Variants in SGSM1 observed in about 807,000 individuals in gnomAD.
The protein encoded by SGSM1 is small G protein signaling modulator 1.
SGSM1 carries 73 observed loss-of-function variants against 133.8 expected under a neutral mutation model. The ratio of observed to expected loss-of-function variants is 0.55; its 90% confidence interval spans 0.45 to 0.66. The LOEUF is 0.66. Among genes scored for constraint, SGSM1 ranks in the 30% least tolerant of loss-of-function variants. SGSM1 has a pLI of 0.00. For missense variants in SGSM1, 1,213 were observed against 1,448.1 expected, an observed-to-expected ratio of 0.84 and a Z score of 2.64; for synonymous variants, 563 against 573.0, an observed-to-expected ratio of 0.98 and a Z score of 0.25.
intron 1 of SGSM1, 47 bp from the exon 2 acceptor site, chr22:24,806,394 C>G (rs998835013): frequency 3.3e-6 from 5 of 1,513,002 alleles, no homozygotes; most frequent in Middle Eastern, 1.9e-4. Context: ...GCCCGGCCCC[C>G]GCACCCTCTC....
chr22:24,879,218 G>A (rs144979981), intron 13 of SGSM1, among the ~76,000 whole-genome samples: 1,765 of 152,280 alleles, frequency 0.012, 17 homozygotes, highest in African/African-American at 0.04. Context: ...AGTGGGCAGA[G>A]TCATCCACAT....
At chr22:24,833,724 G>A (rs1929261536) in intron 2 of SGSM1, among the ~76,000 whole-genome samples, 1 of 152,194 alleles carries the variant, frequency 6.6e-6, no homozygotes, top group Admixed American at 6.5e-5. Flanking sequence ...CCATAGCGAT[G>A]GGGGAGGTGA....
At chr22:24,830,031 CT>C (rs1929020470) in intron 2 of SGSM1, among the ~76,000 whole-genome samples, 1 of 145,976 alleles carries the variant, frequency 6.9e-6, no homozygotes, top group South Asian at 2.2e-4. Flanking sequence ...ACAGTCTGGT[CT>C]GTGCCCCGGG....
At chr22:24,829,683 C>T (rs140531923) in intron 2 of SGSM1, among the ~76,000 whole-genome samples, 2 of 151,930 alleles carry the variant, frequency 1.3e-5, no homozygotes, top group African/African-American at 2.4e-5. Context: ...GGACAGATTA[C>T]GTGGGGAAAA....
intron 2 of SGSM1, among the ~76,000 whole-genome samples, chr22:24,809,832 G>A (rs1418197703): frequency 1.3e-5 from 2 of 152,142 alleles, no homozygotes; most frequent in Non-Finnish European, 1.5e-5. Flanking sequence ...GTGAAGGAGA[G>A]GCACCCGGGG....
intron 12 of SGSM1, among the ~76,000 whole-genome samples, chr22:24,872,834 G>A (rs1198824935): frequency 6.6e-6 from 1 of 152,032 alleles, no homozygotes; most frequent in South Asian, 2.1e-4. Flanking sequence ...CAGGAGAATT[G>A]CTTGAACCCG....
chr22:24,824,070 G>A (rs1928652473), intron 2 of SGSM1, among the ~76,000 whole-genome samples: 1 of 152,216 alleles, frequency 6.6e-6, no homozygotes, highest in South Asian at 2.1e-4. Flanking sequence ...TGATTCCAGA[G>A]CCTGATGCAG....
At chr22:24,839,225 T>G (rs1929650254) in intron 2 of SGSM1, among the ~76,000 whole-genome samples, 1 of 152,058 alleles carries the variant, frequency 6.6e-6, no homozygotes, top group African/African-American at 2.4e-5. Flanking sequence ...TGGCTAGTTT[T>G]TGTATTTTTG....
At chr22:24,848,428 A>C (rs1930274723) in intron 4 of SGSM1, among the ~76,000 whole-genome samples, 1 of 152,228 alleles carries the variant, frequency 6.6e-6, no homozygotes, top group South Asian at 2.1e-4. Context: ...GAAGTTAAAA[A>C]AAAAACTCTC....
rs1930190552 is a variant in SGSM1, at chr22:24,847,055, T to C, written c.140-579T>C. On this transcript the variant is annotated intron_variant, in intron 3 of 24. Coordinates refer to ENST00000400358, the MANE Select transcript of SGSM1 (RefSeq NM_001098497.3). ...CGGGGTTTCACTGTGTTAGCCAGGATGGTCTCGATCTCCTGACCTCGCTCT... is the reference window on the plus strand; with the variant it reads ...CGGGGTTTCACTGTGTTAGCCAGGACGGTCTCGATCTCCTGACCTCGCTCT... Among the ~76,000 whole-genome samples the C allele has an allele frequency of 4.6e-5, 7 of 152,222 alleles. No individual in the cohort carries two copies. The South Asian group carries it at 1.5e-3, about 32-fold the overall frequency.
At chr22:24,896,138 A>G (rs1932908829) in intron 18 of SGSM1, among the ~76,000 whole-genome samples, 1 of 152,148 alleles carries the variant, frequency 6.6e-6, no homozygotes. Flanking sequence ...ATATCTGTAT[A>G]TATTTGCCTC....
At chr22:24,899,779 C>T (rs1332150541) in intron 19 of SGSM1, among the ~76,000 whole-genome samples, 1 of 152,028 alleles carries the variant, frequency 6.6e-6, no homozygotes, top group African/African-American at 2.4e-5. Context: ...CCTTGGCCTC[C>T]CAAAGTGCTG....
chr22:24,868,379 A>T lies in SGSM1; in HGVS notation c.998A>T (p.Asp333Val), dbSNP rs751643303. Reference protein sequence around the residue: ...IVYLHCHQQVDSGGTVVLVSQ... With the variant: ...IVYLHCHQQVVSGGTVVLVSQ... ...CTCTGGCTGGTGGTGGCGGCAGTTG[A>T]CAGCGGCGGGACAGTGGTATTGGTC... is the stretch of plus-strand genomic sequence containing the variant. Residue 333 changes from aspartate to valine, a missense_variant, in exon 11 of 25, where the codon GAC (aspartate) becomes GTC (valine). Physicochemically the swap from Asp to Val is radical, Grantham distance 152. Transcript: ENST00000400358. 2 of 1,606,660 alleles carry T rather than the reference A, an allele frequency of 1.2e-6. No homozygotes were observed. The highest frequency in any genetic ancestry group is 2.7e-5 in the African/African-American group (2 of 74,704).
intron 15 of SGSM1, among the ~76,000 whole-genome samples, chr22:24,886,072 T>C (rs1932579241): frequency 6.6e-6 from 1 of 152,048 alleles, no homozygotes; most frequent in African/African-American, 2.4e-5. Context: ...TTGAGGAATA[T>C]TGGTGAGAAG....
At chr22:24,816,608 T>C (rs565775372) in intron 2 of SGSM1, among the ~76,000 whole-genome samples, 2 of 152,188 alleles carry the variant, frequency 1.3e-5, no homozygotes, top group South Asian at 4.1e-4. Context: ...GGTTTCACCA[T>C]ATTGGCCAGG....
At chr22:24,916,679 T>C (rs1933832799) in intron 22 of SGSM1, among the ~76,000 whole-genome samples, 1 of 151,790 alleles carries the variant, frequency 6.6e-6, no homozygotes, top group Non-Finnish European at 1.5e-5. Flanking sequence ...GCCTGGGCAA[T>C]AGAGTGAGAC....
At chr22:24,806,846 ACGCC>A (rs1927425232) in intron 2 of SGSM1, among the ~76,000 whole-genome samples, 4 of 151,490 alleles carry the variant, frequency 2.6e-5, no homozygotes, top group African/African-American at 9.7e-5. Flanking sequence ...TGCTAGGGGG[ACGCC>A]CCCCACAGGG....
chr22:24,920,052 G>A (rs1933953208), intron 24 of SGSM1, 59 bp downstream of exon 24: 2 of 1,529,448 alleles, frequency 1.3e-6, no homozygotes, highest in Non-Finnish European at 1.8e-6. Flanking sequence ...CCCCTTTTGG[G>A]CATCTCAGGA....
intron 19 of SGSM1, 68 bp from the exon 20 acceptor site, chr22:24,901,765 C>A: frequency 1.9e-6 from 3 of 1,555,446 alleles, no homozygotes; most frequent in Non-Finnish European, 2.6e-6. Flanking sequence ...AGGATTGCTG[C>A]TTTCCAGTGG....
Sources: allele counts gnomAD v4.1 joint callset (sites outside exome capture counted in the v4.1 genomes callset), GRCh38; gene constraint gnomAD v4.1.1; transcripts MANE v1.5; gene names NCBI Gene and HGNC (gene_info 2026-07-23, HGNC 2026-07-21).